FAM135B: variants seen among roughly 807,000 people sequenced by gnomAD.
FAM135B encodes the protein protein FAM135B.
Under a neutral mutation model 127.7 loss-of-function variants are expected in FAM135B, and 43 were observed. The ratio of observed to expected loss-of-function variants is 0.34; its 90% CI spans 0.26 to 0.43. The LOEUF (loss-of-function observed/expected upper bound fraction) is 0.43, where lower values mean the gene tolerates loss of function less well. Among genes scored for constraint, FAM135B ranks in the 20% least tolerant of loss-of-function variants. FAM135B has a pLI of 1.00. For synonymous variants in FAM135B, 670 were observed against 665.1 expected (o/e 1.01, Z -0.11); for missense variants, 1,558 against 1,725.6 (o/e 0.90, Z 1.72).
At position 138,362,612 on chromosome 8, in the gene FAM135B, T is replaced by C. The variant is rs368406919; in HGVS notation, c.77+5295A>G. 4.1e-4 allele frequency among the ~76,000 whole-genome samples: 62 copies of C among 152,316 alleles called. 1 individual carries two copies. The South Asian group carries it at 0.012, about 31-fold the overall frequency. ...CAAAAAACTTAGCTTGAGGCCTTGG[T>C]TTCTTCATGCCACAGAAGTTATAGA... On this transcript the variant is annotated intron_variant, in intron 2 of 19. Transcript: ENST00000395297.
chr8:138,304,918 C>A (rs571501121), intron 3 of FAM135B, among the ~76,000 whole-genome samples: 2 of 152,324 alleles, frequency 1.3e-5, no homozygotes, highest in African/African-American at 4.8e-5. Flanking sequence ...AAGTGCTTCG[C>A]TTAATCAGGA....
At chr8:138,138,823 G>A (rs1349383309) in intron 18 of FAM135B, among the ~76,000 whole-genome samples, 163 bp downstream of exon 18, 2 of 152,226 alleles carry the variant, frequency 1.3e-5, no homozygotes, top group Non-Finnish European at 2.9e-5. Flanking sequence ...CTGAGTTCCT[G>A]GTAGCTGTTG....
intron 3 of FAM135B, among the ~76,000 whole-genome samples, chr8:138,286,938 T>G (rs996823937): frequency 6.6e-6 from 1 of 152,198 alleles, no homozygotes; most frequent in African/African-American, 2.4e-5. Context: ...TGAACCTCAG[T>G]TCTTCCACCT....
chr8:138,242,627 A>G lies in FAM135B; in HGVS notation c.669+315T>C, dbSNP rs1380694894. ...GAAACCAGACATGGCCTTCAACGTT[A>G]TCACATAGTCTGAGTGGCCCCCTCA... On this transcript the variant is annotated intron_variant, in intron 7 of 19. Transcript: ENST00000395297. The surrounding 1 kb of genome is among the most constrained non-coding windows in gnomAD (Gnocchi z 9.6). Among the ~76,000 whole-genome samples, 2 of 152,172 alleles carry G rather than the reference A, an allele frequency of 1.3e-5. No individual in the cohort carries two copies. Among genetic ancestry groups the G allele is most frequent in the South Asian group, 2.1e-4 (1 of 4,834 alleles).
chr8:138,410,182 C>T (rs1291713753), intron 1 of FAM135B, among the ~76,000 whole-genome samples: 2 of 152,056 alleles, frequency 1.3e-5, no homozygotes, highest in African/African-American at 4.8e-5. Context: ...AGGAAGGGCT[C>T]CAGGAGGAGG....
At chr8:138,450,446 C>T (rs892472000) in intron 1 of FAM135B, 1 of 152,182 alleles carries the variant, frequency 6.6e-6, no homozygotes, top group Non-Finnish European at 1.5e-5. Context: ...GGGATTATAT[C>T]ATTTTGCATT....
rs2130785836 is a variant in FAM135B, at chr8:138,152,921, A to G, written c.1554T>C (p.Cys518=). Residue 518 remains cysteine, a synonymous_variant, in exon 13 of 20, where the codon TGT becomes TGC. Coordinates refer to ENST00000395297, the MANE Select transcript of FAM135B (RefSeq NM_015912.4). The stretch of plus-strand genomic sequence containing the variant: ...CAGCATCAGATGTTTGGCCAGTCCA[A>G]CATTCATCTTCAGGCACACCTGCTT... ...QNKAGVPEDE[C]WTGQTSDAGT... The G allele has an allele frequency of 6.2e-7, 1 of 1,614,226 alleles. No homozygotes were observed. Among genetic ancestry groups the G allele is most frequent in the Non-Finnish European group, 8.5e-7 (1 of 1,180,040 alleles).
chr8:138,134,519 T>A (rs1021966991), intron 19 of FAM135B, among the ~76,000 whole-genome samples: 1 of 152,214 alleles, frequency 6.6e-6, no homozygotes, highest in African/African-American at 2.4e-5. Flanking sequence ...AACTCTTATA[T>A]GTTTTCTCAA....
intron 12 of FAM135B, among the ~76,000 whole-genome samples, chr8:138,160,476 C>T (rs1819261342): frequency 6.6e-6 from 1 of 152,020 alleles, no homozygotes; most frequent in South Asian, 2.1e-4. Context: ...GCAATCTCCA[C>T]CTCCCAGGTT....
chr8:138,199,924 G>T (rs1481634687), intron 7 of FAM135B, among the ~76,000 whole-genome samples: 2 of 152,198 alleles, frequency 1.3e-5, no homozygotes, highest in Non-Finnish European at 2.9e-5. Context: ...TCAGATGTGG[G>T]TTGGGACACA....
At chr8:138,360,694 C>T (rs1022398724) in intron 2 of FAM135B, among the ~76,000 whole-genome samples, 1 of 152,220 alleles carries the variant, frequency 6.6e-6, no homozygotes, top group Non-Finnish European at 1.5e-5. Context: ...GCTGACACCT[C>T]GGTCCCACTG....
chr8:138,199,395 A>G (rs1816926539), intron 7 of FAM135B, among the ~76,000 whole-genome samples: 2 of 152,134 alleles, frequency 1.3e-5, no homozygotes, highest in Admixed American at 6.5e-5. Context: ...CTCAGGAGCA[A>G]TATCTGTGCA....
intron 3 of FAM135B, among the ~76,000 whole-genome samples, chr8:138,307,439 C>T (rs1826348031): frequency 6.6e-6 from 1 of 152,076 alleles, no homozygotes; most frequent in African/African-American, 2.4e-5. Flanking sequence ...TACAGCACCC[C>T]TTCACCCATG....
intron 2 of FAM135B, among the ~76,000 whole-genome samples, chr8:138,358,720 T>C (rs140903283): frequency 2.6e-5 from 4 of 152,174 alleles, no homozygotes; most frequent in African/African-American, 9.7e-5. Context: ...GACCTTTTAC[T>C]CTACTTAAGA....
At chr8:138,238,140 C>A (rs1820444859) in intron 7 of FAM135B, among the ~76,000 whole-genome samples, 1 of 152,180 alleles carries the variant, frequency 6.6e-6, no homozygotes, top group Non-Finnish European at 1.5e-5. Context: ...ACGTGGCAGA[C>A]TCTTCACTCA....
At chr8:138,488,607 A>G (rs893640060) in intron 1 of FAM135B, among the ~76,000 whole-genome samples, 2 of 152,162 alleles carry the variant, frequency 1.3e-5, no homozygotes, top group African/African-American at 4.8e-5. Flanking sequence ...CCCTAAGGCC[A>G]GAGGAAGCCA....
At chr8:138,258,803 CCACACACACACACACA>C (rs57817492) in intron 4 of FAM135B, among the ~76,000 whole-genome samples, 4 of 146,604 alleles carry the variant, frequency 2.7e-5, no homozygotes, top group South Asian at 2.2e-4. Flanking sequence ...GACACACACA[CCACACACACACACACA>C]CACACACACA....
chr8:138,290,425 C>T (rs893348559), intron 3 of FAM135B, among the ~76,000 whole-genome samples: 6 of 152,080 alleles, frequency 3.9e-5, no homozygotes, highest in African/African-American at 1.4e-4. Context: ...AAGAACTTAG[C>T]GGTCTCAATG....
At chr8:138,299,502 G>C (rs1047453876) in intron 3 of FAM135B, among the ~76,000 whole-genome samples, 1 of 152,122 alleles carries the variant, frequency 6.6e-6, no homozygotes, top group East Asian at 1.9e-4. Flanking sequence ...GCTGCCAACG[G>C]CAGGCTACCT....
Sources: gnomAD v4.1 joint callset for allele counts (sites outside exome capture counted in the v4.1 genomes callset) on GRCh38, gnomAD v4.1.1 for gene constraint, Gnocchi (gnomAD v3.1) non-coding constraint, MANE v1.5 for transcripts, NCBI Gene and HGNC (gene_info 2026-07-23, HGNC 2026-07-21) for gene names.